Variants in CASD1 observed in about 807,000 individuals in gnomAD.
The protein encoded by CASD1 is N-acetylneuraminate (7)9-O-acetyltransferase.
In CASD1, 41 loss-of-function variants were observed where a neutral mutation model predicts 100.0. The ratio of observed to expected loss-of-function variants is 0.41; its 90% confidence interval spans 0.32 to 0.53. The LOEUF is 0.53. Among genes scored for constraint, CASD1 ranks in the 20% least tolerant of loss-of-function variants. CASD1 has a pLI of 0.25. For missense variants in CASD1, 774 were observed against 948.7 expected, an observed-to-expected ratio of 0.82 and a Z score of 2.42; for synonymous variants, 321 against 315.6, an observed-to-expected ratio of 1.02 and a Z score of -0.18.
chr7:94,548,624 T>C (rs921329289), intron 13 of CASD1, among the ~76,000 whole-genome samples: 38 of 151,850 alleles, frequency 2.5e-4, no homozygotes, highest in African/African-American at 7.5e-4. Flanking sequence ...TAAAATAATA[T>C]TATAAAGTTC....
chr7:94,516,156 A>G lies in CASD1; in HGVS notation c.134-1404A>G, dbSNP rs1188236430. Among the ~76,000 whole-genome samples the G allele has an allele frequency of 3.3e-5, 5 of 151,132 alleles. No homozygotes were observed. The South Asian group carries it at 1.0e-3, about 31-fold the overall frequency. The stretch of plus-strand genomic sequence containing the variant: ...TTATTAAAAAATCTTTGAAATACAA[A>G]AAAAAAAACTGCTCAAGCCGTGTAT... On this transcript the variant is annotated intron_variant, in intron 1 of 17. Transcript: ENST00000297273.
intron 9 of CASD1, 87 bp downstream of exon 9, chr7:94,537,981 C>T (rs1394910498): frequency 1.3e-6 from 1 of 753,754 alleles, no homozygotes; most frequent in Non-Finnish European, 2.1e-6. Flanking sequence ...TTTATCATGA[C>T]AAAATACACA....
At chr7:94,516,462 A>G (rs1451469770) in intron 1 of CASD1, among the ~76,000 whole-genome samples, 1 of 152,142 alleles carries the variant, frequency 6.6e-6, no homozygotes, top group Non-Finnish European at 1.5e-5. Flanking sequence ...AATGCTCAAT[A>G]TCCTTTTTGT....
chr7:94,607,914 G>T, the CASD1 span, among the ~76,000 whole-genome samples: 1 of 152,154 alleles, frequency 6.6e-6, no homozygotes, highest in South Asian at 2.1e-4. Flanking sequence ...CAGCAACGTT[G>T]CAGGAATCAG....
At chr7:94,627,339 T>C in the CASD1 span, 20,414 of 152,054 alleles carry the variant, frequency 0.13, 1,534 homozygotes, top group South Asian at 0.25. Flanking sequence ...AGTTGTTTTG[T>C]TGTTGTTAAT....
the CASD1 span, among the ~76,000 whole-genome samples, chr7:94,572,029 A>C: frequency 2.0e-5 from 3 of 152,088 alleles, no homozygotes; most frequent in Admixed American, 1.3e-4. Context: ...ATTCTCTCAA[A>C]AACATCTGGG....
Position 94,521,183 on chromosome 7 carries a change from A to T in CASD1, c.351+2860A>T, listed in dbSNP as rs550325057. Among the ~76,000 whole-genome samples, 23 of 152,298 alleles carry T rather than the reference A, an allele frequency of 1.5e-4. No homozygotes were observed. In the South Asian group the frequency reaches 4.6e-3, roughly 30 times the overall value. ...TGGGGTTAAAATTTCTGTGTTCTTG[A>T]GATGTATTATAGGACATTCTCAGAT... is the stretch of plus-strand genomic sequence containing the variant. On this transcript the variant is annotated intron_variant, in intron 3 of 17. Transcript: ENST00000297273.
At chr7:94,599,680 G>C in the CASD1 span, 2 of 1,608,052 alleles carry the variant, frequency 1.2e-6, no homozygotes, top group South Asian at 1.1e-5. Context: ...GAAAATAACA[G>C]GAAAGAAGAC....
chr7:94,580,478 CATTTCCCTAA>C, the CASD1 span, among the ~76,000 whole-genome samples: 4 of 152,176 alleles, frequency 2.6e-5, no homozygotes, highest in African/African-American at 9.7e-5. Context: ...CTTTCTTTGA[CATTTCCCTAA>C]ATTTTTATTG....
chr7:94,584,732 C>T, the CASD1 span, among the ~76,000 whole-genome samples: 1 of 152,288 alleles, frequency 6.6e-6, no homozygotes, highest in South Asian at 2.1e-4. Flanking sequence ...GCATGAGAGC[C>T]TTGAACATAA....
At chr7:94,523,693 A>G (rs1014360016) in intron 3 of CASD1, among the ~76,000 whole-genome samples, 2 of 152,180 alleles carry the variant, frequency 1.3e-5, no homozygotes, top group South Asian at 2.1e-4. Context: ...TTGTTGTGCA[A>G]CTTTACCGAT....
intron 2 of CASD1, 150 bp downstream of exon 2, chr7:94,517,806 G>A: frequency 1.8e-6 from 1 of 547,496 alleles, no homozygotes; most frequent in Non-Finnish European, 3.2e-6. Context: ...AGATTTCCCT[G>A]CCCACTAAGG....
the CASD1 span, among the ~76,000 whole-genome samples, chr7:94,616,131 T>C: frequency 6.6e-6 from 1 of 152,138 alleles, no homozygotes; most frequent in African/African-American, 2.4e-5. Context: ...TCAAGAAGGA[T>C]GAGGAGCTCA....
downstream of CASD1, among the ~76,000 whole-genome samples, chr7:94,561,023 G>A (rs75720722): frequency 0.11 from 16,286 of 152,046 alleles, 969 homozygotes; most frequent in East Asian, 0.23. Flanking sequence ...AATATTTGAT[G>A]AGAATTTAAT....
the CASD1 span, among the ~76,000 whole-genome samples, chr7:94,613,350 G>C: frequency 6.6e-6 from 1 of 152,058 alleles, no homozygotes; most frequent in South Asian, 2.1e-4. Context: ...GCTAGTTGTT[G>C]TCAAAATTTA....
chr7:94,549,022 C>T (rs1795816214), intron 13 of CASD1, among the ~76,000 whole-genome samples: 1 of 151,902 alleles, frequency 6.6e-6, no homozygotes, highest in African/African-American at 2.4e-5. Context: ...TCAGAGGACT[C>T]TTTTAACTCA....
intron 1 of CASD1, among the ~76,000 whole-genome samples, chr7:94,511,299 C>T (rs763032213): frequency 6.6e-6 from 1 of 152,164 alleles, no homozygotes; most frequent in Non-Finnish European, 1.5e-5. Context: ...TTTACACCTA[C>T]TTTGGCAAAA....
At chr7:94,520,067 T>C (rs1050607473) in intron 3 of CASD1, among the ~76,000 whole-genome samples, 6 of 152,144 alleles carry the variant, frequency 3.9e-5, no homozygotes, top group Admixed American at 6.6e-5. Flanking sequence ...AAACGAGATA[T>C]CAGACAAGAT....
At chr7:94,625,202 T>C in the CASD1 span, 1 of 152,044 alleles carries the variant, frequency 6.6e-6, no homozygotes, top group South Asian at 2.1e-4. Context: ...ACTGAATGAA[T>C]TAGTAGACTT....
Sources: gnomAD v4.1 joint callset for allele counts (sites outside exome capture counted in the v4.1 genomes callset) on GRCh38, gnomAD v4.1.1 for gene constraint, MANE v1.5 for transcripts, NCBI Gene and HGNC (gene_info 2026-07-23, HGNC 2026-07-21) for gene names.